The following UNC5D variants were observed in gnomAD, a reference collection of about 807,000 sequenced individuals.
UNC5D encodes the protein unc-5 netrin receptor D.
In UNC5D, 39 loss-of-function variants were observed where a neutral mutation model predicts 105.4. The observed-to-expected ratio is 0.37, with a 90% CI of 0.29 to 0.48. The LOEUF is 0.48. UNC5D is among the 20% of genes least tolerant of loss of function. UNC5D has a pLI of 0.98. For synonymous variants in UNC5D, 452 were observed against 450.4 expected (o/e 1.00, Z -0.04); for missense variants, 991 against 1,202.4 (o/e 0.82, Z 2.60).
At chr8:35,408,817 T>A (rs974309126) in intron 1 of UNC5D, among the ~76,000 whole-genome samples, 3 of 152,030 alleles carry the variant, frequency 2.0e-5, no homozygotes, top group African/African-American at 7.2e-5. Flanking sequence ...AGTATTTTAA[T>A]TTACAAACAG....
intron 7 of UNC5D, among the ~76,000 whole-genome samples, chr8:35,687,254 T>C (rs972536798): frequency 1.4e-4 from 21 of 152,112 alleles, no homozygotes; most frequent in Admixed American, 1.4e-3. Flanking sequence ...CCATCCTGGC[T>C]AACAAGGTGA....
chr8:35,648,678 CAAA>C (rs1251731084), intron 4 of UNC5D, among the ~76,000 whole-genome samples: 121 of 46,016 alleles, frequency 2.6e-3, no homozygotes, highest in African/African-American at 8.1e-3. Flanking sequence ...GAGTCCGTCT[CAAA>C]AAAAAAAAAA....
chr8:35,441,395 A>G (rs758685070), intron 1 of UNC5D, among the ~76,000 whole-genome samples: 8 of 151,908 alleles, frequency 5.3e-5, no homozygotes, highest in Non-Finnish European at 1.0e-4. Context: ...ACACTTCATT[A>G]TAGGTATGTA....
intron 1 of UNC5D, among the ~76,000 whole-genome samples, chr8:35,512,539 G>GTA (rs71215633): frequency 1.2e-4 from 5 of 40,278 alleles, no homozygotes; most frequent in Non-Finnish European, 1.7e-4. Flanking sequence ...AGATATGTAT[G>GTA]TATATATATA....
At chr8:35,544,426 G>A (rs753947365) in intron 1 of UNC5D, 1 of 1,612,194 alleles carries the variant, frequency 6.2e-7, no homozygotes, top group South Asian at 1.1e-5. Context: ...AAAAAAAGCT[G>A]TAATATGTTA....
chr8:35,354,333 G>A (rs1297083216), intron 1 of UNC5D, among the ~76,000 whole-genome samples: 1 of 152,180 alleles, frequency 6.6e-6, no homozygotes, highest in East Asian at 1.9e-4. Flanking sequence ...GTGACAGACT[G>A]TCATTGAGAA....
chr8:35,357,061 G>T (rs1366583006), intron 1 of UNC5D, among the ~76,000 whole-genome samples: 2 of 152,012 alleles, frequency 1.3e-5, no homozygotes, highest in Non-Finnish European at 2.9e-5. Context: ...CAGATGAGGG[G>T]GGCTACTGTG....
At chr8:35,325,068 C>CA (rs1344103259) in intron 1 of UNC5D, among the ~76,000 whole-genome samples, 6 of 152,138 alleles carry the variant, frequency 3.9e-5, no homozygotes, top group Non-Finnish European at 8.8e-5. Context: ...TCTCAGCCAA[C>CA]AAAAAACTGA....
intron 16 of UNC5D, among the ~76,000 whole-genome samples, chr8:35,788,204 T>G (rs1044876308): frequency 6.6e-6 from 1 of 150,658 alleles, no homozygotes; most frequent in Non-Finnish European, 1.5e-5. Context: ...TGTGTGTGTG[T>G]GCGTGCATGC....
At chr8:35,394,641 G>A (rs556022638) in intron 1 of UNC5D, among the ~76,000 whole-genome samples, 12 of 149,562 alleles carry the variant, frequency 8.0e-5, no homozygotes, top group East Asian at 2.0e-4. Context: ...ATATAAAATC[G>A]ACCTCAGTAA....
Position 35,683,682 on chromosome 8 carries a change from A to T in UNC5D, c.706A>T (p.Ile236Phe). Residue 236 changes from isoleucine (I) to phenylalanine (F), a missense_variant, in exon 5 of 17, where the codon ATC becomes TTC. By Grantham distance (21) the Ile-to-Phe change is conservative. Transcript: ENST00000404895. ...SGNYTCMAAN[I>F]VAKRRSLSAT... ...AAATTACACCTGCATGGCAGCCAAC[A>T]TCGTGGCTAAGAGGAGAAGCCTGTC... 1 of 1,560,248 alleles carries T rather than the reference A, an allele frequency of 6.4e-7. No individual in the cohort carries two copies. The highest frequency in any genetic ancestry group is 8.6e-7 in the Non-Finnish European group (1 of 1,161,592).
At chr8:35,508,317 GAAGAA>G (rs1812467183) in intron 1 of UNC5D, among the ~76,000 whole-genome samples, 1 of 152,182 alleles carries the variant, frequency 6.6e-6, no homozygotes, top group Non-Finnish European at 1.5e-5. Context: ...ATACAGCTGG[GAAGAA>G]AAGTTAAAAT....
intron 16 of UNC5D, among the ~76,000 whole-genome samples, chr8:35,784,881 A>G (rs894138437): frequency 4.6e-5 from 7 of 152,216 alleles, no homozygotes; most frequent in Non-Finnish European, 8.8e-5. Context: ...TGAAAAGGCT[A>G]TAACAAAAGG....
At chr8:35,548,911 A>G (rs1296131026) in intron 1 of UNC5D, among the ~76,000 whole-genome samples, 1 of 152,132 alleles carries the variant, frequency 6.6e-6, no homozygotes, top group African/African-American at 2.4e-5. Flanking sequence ...TATTCTCACC[A>G]TTTTTCAAAA....
intron 1 of UNC5D, among the ~76,000 whole-genome samples, chr8:35,413,163 G>T (rs1002308748): frequency 6.6e-6 from 1 of 151,576 alleles, no homozygotes; most frequent in African/African-American, 2.4e-5. Context: ...TCTAGTCAAT[G>T]CAAAACGAAT....
chr8:35,612,885 A>G (rs1820784792), intron 4 of UNC5D, among the ~76,000 whole-genome samples: 1 of 152,088 alleles, frequency 6.6e-6, no homozygotes, highest in Non-Finnish European at 1.5e-5. Flanking sequence ...CTTACCTAAG[A>G]TAGAAGCCCA....
rs57450378 is a variant in UNC5D, at chr8:35,612,723, C to CTTTTTTTTTTTTTTT, written c.570+17077_570+17091dup. ...TATTAGAAACTGCTAAATGTTTTGC[C>CTTTTTTTTTTTTTTT]TTTTTTTTTTTTTTTTTTTTTTTTT... is the stretch of plus-strand genomic sequence containing the variant. On this transcript the variant is annotated intron_variant, in intron 4 of 16. Coordinates refer to ENST00000404895, the MANE Select transcript of UNC5D (RefSeq NM_080872.4). 6.9e-3 allele frequency among the ~76,000 whole-genome samples: 445 copies of CTTTTTTTTTTTTTTT among 64,800 alleles called. 5 individuals are homozygous for CTTTTTTTTTTTTTTT. Among genetic ancestry groups the CTTTTTTTTTTTTTTT allele is most frequent in the Non-Finnish European group, 8.2e-3 (319 of 38,834 alleles). 42.5% of individuals were successfully genotyped at this position (64,800 alleles called of 152,430 possible).
At chr8:35,523,142 G>T (rs1346741105) in intron 1 of UNC5D, among the ~76,000 whole-genome samples, 1 of 150,042 alleles carries the variant, frequency 6.7e-6, no homozygotes, top group Non-Finnish European at 1.5e-5. Context: ...GAGTGCAGTG[G>T]TGCACTCATG....
intron 1 of UNC5D, among the ~76,000 whole-genome samples, chr8:35,401,947 T>A (rs887558319): frequency 5.9e-5 from 9 of 152,208 alleles, no homozygotes; most frequent in African/African-American, 1.7e-4. Flanking sequence ...GAAATATTCA[T>A]CTTAATTTTG....
Sources: gnomAD v4.1 joint callset for allele counts (sites outside exome capture counted in the v4.1 genomes callset) on GRCh38, gnomAD v4.1.1 for gene constraint, MANE v1.5 for transcripts, NCBI Gene and HGNC (gene_info 2026-07-23, HGNC 2026-07-21) for gene names.